The following CFAP61 variants were observed in gnomAD, a reference collection of about 807,000 sequenced individuals.
The protein encoded by CFAP61 is cilia and flagella associated protein 61, also known as cilia- and flagella-associated protein 61.
A neutral mutation model predicts 135.6 loss-of-function variants in CFAP61; 107 were observed. That is an observed-to-expected ratio of 0.79 (90% CI 0.67 to 0.93). The LOEUF (loss-of-function observed/expected upper bound fraction) is 0.93, where lower values mean the gene tolerates loss of function less well. Ranked by LOEUF, CFAP61 falls within the 40% of genes least tolerant of loss-of-function variation. The probability of loss-of-function intolerance (pLI) is 0.00; values close to 1 mark genes in which losing one functional copy is unlikely to be tolerated. For missense variants in CFAP61, 1,507 were observed against 1,556.2 expected, an observed-to-expected ratio of 0.97 and a Z score of 0.53; for synonymous variants, 575 against 578.5, an observed-to-expected ratio of 0.99 and a Z score of 0.09.
Position 20,155,812 on chromosome 20 carries a change from A to G in CFAP61, c.952-3558A>G, listed in dbSNP as rs374225206. On this transcript the variant is annotated intron_variant, in intron 9 of 26. Transcript: ENST00000245957. ...GTGGTGAAAAGGGAAGAGTTTTTCA[A>G]TGCTGGTGGGAATGTAAACTAGTAC... Among the ~76,000 whole-genome samples, 17 of 152,278 alleles carry G rather than the reference A, an allele frequency of 1.1e-4. 1 individual carries two copies. In the South Asian group the frequency reaches 2.3e-3, roughly 20 times the overall value.
chr20:20,164,229 G>A lies in CFAP61; in HGVS notation c.1205+1G>A. 6.2e-7 allele frequency: 1 copy of A among 1,610,604 alleles called. No homozygotes were observed. Among genetic ancestry groups the A allele is most frequent in the Non-Finnish European group, 8.5e-7 (1 of 1,178,158 alleles). On this transcript the variant is annotated splice_donor_variant, in intron 11 of 26. Transcript: ENST00000245957. LOFTEE classifies it high-confidence loss of function. ...GTATTGATGAGAAATATGAAGCAAG[G>A]CAAGTACTGACCTTCTGGCTGGCTG... is the stretch of plus-strand genomic sequence containing the variant.
chr20:20,270,267 C>CT (rs1475910904), intron 21 of CFAP61, among the ~76,000 whole-genome samples: 1 of 152,128 alleles, frequency 6.6e-6, no homozygotes, highest in African/African-American at 2.4e-5. Flanking sequence ...ACCAGCAAAT[C>CT]TTTCCCTCCA....
At chr20:20,100,889 T>C (rs566038415) in intron 8 of CFAP61, among the ~76,000 whole-genome samples, 3 of 152,352 alleles carry the variant, frequency 2.0e-5, no homozygotes, top group East Asian at 3.9e-4. Context: ...CCTCCTTCAA[T>C]ATTTTTACCT....
intron 8 of CFAP61, among the ~76,000 whole-genome samples, chr20:20,112,489 G>A (rs1461150132): frequency 6.6e-6 from 1 of 151,064 alleles, no homozygotes; most frequent in Non-Finnish European, 1.5e-5. Context: ...ATTAATTTTT[G>A]ATATCTCTTT....
intron 22 of CFAP61, among the ~76,000 whole-genome samples, chr20:20,285,020 T>A (rs1227762672): frequency 6.6e-6 from 1 of 152,262 alleles, no homozygotes; most frequent in East Asian, 1.9e-4. Flanking sequence ...TGAAAATATA[T>A]GTTGCTTTCA....
At chr20:20,358,701 T>C (rs1364086813) in intron 26 of CFAP61, among the ~76,000 whole-genome samples, 1 of 152,226 alleles carries the variant, frequency 6.6e-6, no homozygotes, top group Non-Finnish European at 1.5e-5. Flanking sequence ...CTCTTTCCAA[T>C]GTGTGCATAA....
chr20:20,308,452 G>C (rs866764807), intron 25 of CFAP61, among the ~76,000 whole-genome samples: 86 of 151,704 alleles, frequency 5.7e-4, no homozygotes, highest in African/African-American at 1.8e-3. Context: ...GCTGGTGTGG[G>C]GGAAGGGGGC....
At chr20:20,076,315 T>C (rs1218224033) in intron 6 of CFAP61, among the ~76,000 whole-genome samples, 1 of 152,156 alleles carries the variant, frequency 6.6e-6, no homozygotes, top group African/African-American at 2.4e-5. Context: ...GCCAGCCATA[T>C]GTAAGAAGTC....
chr20:20,140,166 T>G (rs2051261361), intron 8 of CFAP61, among the ~76,000 whole-genome samples: 1 of 147,194 alleles, frequency 6.8e-6, no homozygotes, highest in Non-Finnish European at 1.5e-5. Context: ...GCTGTCTTGT[T>G]GCATTTTTTA....
chr20:20,288,317 T>A (rs1332537913), intron 22 of CFAP61, among the ~76,000 whole-genome samples: 1 of 152,146 alleles, frequency 6.6e-6, no homozygotes, highest in Admixed American at 6.5e-5. Flanking sequence ...ATGTAAACCC[T>A]CTTCCGCCGA....
chr20:20,357,831 G>C (rs1367216737), intron 26 of CFAP61, among the ~76,000 whole-genome samples: 24 of 72,352 alleles, frequency 3.3e-4, no homozygotes, highest in Admixed American at 1.0e-3. Context: ...GGTGGTCACA[G>C]TGTGAGGGGA....
chr20:20,203,895 A>G (rs1200550440), intron 17 of CFAP61, among the ~76,000 whole-genome samples: 1 of 152,170 alleles, frequency 6.6e-6, no homozygotes, highest in Non-Finnish European at 1.5e-5. Context: ...CTCAGGAGAA[A>G]TAGCCACACT....
At chr20:20,337,497 GGTGGATGGATAA>G (rs2058259928) in intron 25 of CFAP61, among the ~76,000 whole-genome samples, 36 of 146,738 alleles carry the variant, frequency 2.5e-4, no homozygotes, top group African/African-American at 3.6e-4. Context: ...TGGATAGATG[GGTGGATGGATAA>G]ATGGATGGAT....
intron 8 of CFAP61, among the ~76,000 whole-genome samples, chr20:20,127,351 T>A (rs2050145893): frequency 6.6e-6 from 1 of 151,756 alleles, no homozygotes. Context: ...GGGTAGGCTC[T>A]GTCAGAGGGA....
chr20:20,326,755 A>T lies in CFAP61; in HGVS notation c.3423-15076A>T, dbSNP rs544250176. 4.6e-5 allele frequency among the ~76,000 whole-genome samples: 7 copies of T among 152,316 alleles called. No homozygotes were observed. The South Asian group carries it at 1.4e-3, about 32-fold the overall frequency. On this transcript the variant is annotated intron_variant, in intron 25 of 26. Transcript: ENST00000245957. ...TCCATGCTGTTGTAATGATTGAGAC[A>T]TTATAAGTTGGCTTGATATCTTTAA...
At chr20:20,172,259 A>G (rs2054277374) in intron 13 of CFAP61, 1 of 984,542 alleles carries the variant, frequency 1.0e-6, no homozygotes, top group Non-Finnish European at 1.2e-6. Context: ...GTAGGTGAAG[A>G]TGGTGACTGA....
At chr20:20,059,567 G>T (rs894090842) in intron 2 of CFAP61, among the ~76,000 whole-genome samples, 1 of 151,774 alleles carries the variant, frequency 6.6e-6, no homozygotes. Context: ...GCAGTGAGCC[G>T]AGATCGCACC....
chr20:20,182,821 T>G (rs1366580734), intron 13 of CFAP61, among the ~76,000 whole-genome samples: 1 of 152,236 alleles, frequency 6.6e-6, no homozygotes, highest in Non-Finnish European at 1.5e-5. Context: ...AATGCTTTAT[T>G]AGGCAAAACC....
At chr20:20,201,592 C>T (rs1359879602) in intron 17 of CFAP61, among the ~76,000 whole-genome samples, 1 of 152,172 alleles carries the variant, frequency 6.6e-6, no homozygotes, top group Non-Finnish European at 1.5e-5. Flanking sequence ...GGAAAGAGAG[C>T]CAACACCCAG....
Sources: allele counts gnomAD v4.1 joint callset (sites outside exome capture counted in the v4.1 genomes callset), GRCh38; gene constraint gnomAD v4.1.1; transcripts MANE v1.5; gene names NCBI Gene and HGNC (gene_info 2026-07-23, HGNC 2026-07-21).